EIF2AK4: variants seen among roughly 807,000 people sequenced by gnomAD.
EIF2AK4 encodes the protein eukaryotic translation initiation factor 2 alpha kinase 4, also known as eIF-2-alpha kinase GCN2.
EIF2AK4 carries 139 observed loss-of-function variants against 211.1 expected under a neutral mutation model. The observed-to-expected ratio is 0.66, with a 90% CI of 0.57 to 0.76. The LOEUF is 0.76. EIF2AK4 is among the 30% of genes least tolerant of loss of function. The pLI, the probability that EIF2AK4 is intolerant of heterozygous loss-of-function variation, is 0.00. For synonymous variants in EIF2AK4, 710 were observed against 751.3 expected, an observed-to-expected ratio of 0.94 and a Z score of 0.90; for missense variants, 1,664 against 2,043.8, an observed-to-expected ratio of 0.81 and a Z score of 3.58.
Position 40,029,405 on chromosome 15 carries a change from G to A in EIF2AK4, c.4503-1G>A, listed in dbSNP as rs762522528. 4 of 1,612,500 alleles carry A rather than the reference G, an allele frequency of 2.5e-6. No homozygotes were observed. Among genetic ancestry groups the A allele is most frequent in the Non-Finnish European group, 8.5e-7 (1 of 1,179,742 alleles). On this transcript the variant is annotated splice_acceptor_variant, in intron 33 of 38. Coordinates refer to ENST00000263791, the MANE Select transcript of EIF2AK4 (RefSeq NM_001013703.4). LOFTEE classifies it high-confidence loss of function. Reference sequence around the variant, plus strand: ...AATTGTTTTTGTTTGCTTGTTTTTAGAGAAGCTTCCGATAATCTTGCAGTG... The same window carrying A: ...AATTGTTTTTGTTTGCTTGTTTTTAAAGAAGCTTCCGATAATCTTGCAGTG...
chr15:39,990,238 A>G, intron 15 of EIF2AK4, 35 bp from the exon 16 acceptor site: 2 of 1,600,782 alleles, frequency 1.2e-6, no homozygotes, highest in Non-Finnish European at 1.7e-6. Flanking sequence ...TATGCATGGA[A>G]AACCATTGTT....
At chr15:39,980,551 C>T (rs2034766998) in intron 13 of EIF2AK4, among the ~76,000 whole-genome samples, 1 of 152,204 alleles carries the variant, frequency 6.6e-6, no homozygotes, top group Non-Finnish European at 1.5e-5. Context: ...TAATAGGACT[C>T]CTGGCCTCAC....
Position 40,019,005 on chromosome 15 carries a change from C to T in EIF2AK4, c.4066-88C>T, listed in dbSNP as rs1425558909. On this transcript the variant is annotated intron_variant, in intron 29 of 38. Coordinates refer to ENST00000263791, the MANE Select transcript of EIF2AK4 (RefSeq NM_001013703.4). Reference sequence around the variant, plus strand: ...GAACTCTTTGATGATGAGCTGCTGACAGAGTGCTCACTCTTTAATCATTGT... The same window carrying T: ...GAACTCTTTGATGATGAGCTGCTGATAGAGTGCTCACTCTTTAATCATTGT... 6 of 942,674 alleles carry T rather than the reference C, an allele frequency of 6.4e-6. No individual in the cohort carries two copies. In the South Asian group the frequency reaches 7.6e-5, roughly 12 times the overall value. The allele number at this position is 942,674 out of a possible 1,614,324, so 58.4% of individuals were successfully genotyped here.
chr15:40,034,222 T>C (rs1183294500), intron 37 of EIF2AK4, 104 bp from the exon 38 acceptor site: 17 of 829,192 alleles, frequency 2.1e-5, no homozygotes, highest in Non-Finnish European at 3.4e-5. Flanking sequence ...TCTCCTGGTA[T>C]ACTTGAAGAG....
At chr15:39,952,840 T>A (rs2034338781) in intron 4 of EIF2AK4, among the ~76,000 whole-genome samples, 1 of 152,126 alleles carries the variant, frequency 6.6e-6, no homozygotes, top group South Asian at 2.1e-4. Flanking sequence ...TTCTTTTTTA[T>A]TATTTTTATT....
At chr15:39,979,745 A>C (rs139604548) in intron 13 of EIF2AK4, among the ~76,000 whole-genome samples, 82 of 152,328 alleles carry the variant, frequency 5.4e-4, no homozygotes, top group African/African-American at 1.9e-3. Flanking sequence ...TCAAATGGCC[A>C]TCCCAGATAG....
In EIF2AK4 at chr15:39,976,504, G is replaced by A; in HGVS notation, c.1909G>A (p.Val637Met). ...SRQFRRIKGE[V>M]TLLSRLHHEN... ...GCAGTTCCGCAGGATCAAGGGCGAA[G>A]TGACACTGCTGTCACGGCTGCACCA... is the stretch of plus-strand genomic sequence containing the variant. The change falls in exon 12 of 39, where the codon GTG (valine) becomes ATG (methionine). Residue 637 changes from valine to methionine, a missense_variant. Transcript: ENST00000263791. 6.2e-7 allele frequency: 1 copy of A among 1,612,524 alleles called. No homozygotes were observed. Among genetic ancestry groups the A allele is most frequent in the Non-Finnish European group, 8.5e-7 (1 of 1,179,746 alleles).
chr15:39,960,420 AAGGAGACTCAC>A (rs1229295661), intron 6 of EIF2AK4, among the ~76,000 whole-genome samples: 1 of 152,126 alleles, frequency 6.6e-6, no homozygotes, highest in Non-Finnish European at 1.5e-5. Context: ...GTAGGAGCCC[AAGGAGACTCAC>A]AGGTTTCTCA....
chr15:39,948,050 A>G (rs1051197518), intron 3 of EIF2AK4, among the ~76,000 whole-genome samples: 1 of 152,212 alleles, frequency 6.6e-6, no homozygotes, highest in South Asian at 2.1e-4. Flanking sequence ...ACTGTAGACT[A>G]GTGTTTCTGA....
chr15:40,012,704 C>T (rs746283463), intron 27 of EIF2AK4, among the ~76,000 whole-genome samples: 14 of 151,882 alleles, frequency 9.2e-5, no homozygotes, highest in South Asian at 6.2e-4. Context: ...TACATTCGGA[C>T]GTAATAGCCA....
chr15:39,964,699 A>G (rs2034519402), intron 7 of EIF2AK4, among the ~76,000 whole-genome samples: 2 of 152,216 alleles, frequency 1.3e-5, no homozygotes, highest in African/African-American at 4.8e-5. Flanking sequence ...AGAATTTTCT[A>G]TTATGGTTTT....
At chr15:40,030,281 C>T (rs1485627831) in intron 34 of EIF2AK4, 78 bp from the exon 35 acceptor site, 36 of 1,387,080 alleles carry the variant, frequency 2.6e-5, no homozygotes, top group Middle Eastern at 1.8e-4. Flanking sequence ...TACTAATAAA[C>T]TCTGCCATCT....
At chr15:40,034,303 A>G in intron 37 of EIF2AK4, 23 bp from the exon 38 acceptor site, 3 of 1,596,680 alleles carry the variant, frequency 1.9e-6, no homozygotes, top group Non-Finnish European at 1.7e-6. Flanking sequence ...CCTGTTGTTA[A>G]GTCTTATCTA....
intron 29 of EIF2AK4, among the ~76,000 whole-genome samples, chr15:40,017,558 T>TATGTATG (rs1555422343): frequency 7.8e-6 from 1 of 127,992 alleles, no homozygotes; most frequent in Admixed American, 7.8e-5. Flanking sequence ...TATATATGTA[T>TATGTATG]TTTGGAGACA....
At chr15:40,021,980 C>T in intron 31 of EIF2AK4, 1 of 152,530 alleles carries the variant, frequency 6.6e-6, no homozygotes, top group Non-Finnish European at 1.5e-5. Flanking sequence ...GTGTCCTCTT[C>T]TACTTGTTCA....
chr15:40,026,131 C>A, intron 33 of EIF2AK4, 42 bp downstream of exon 33: 1 of 1,536,130 alleles, frequency 6.5e-7, no homozygotes, highest in Non-Finnish European at 9.0e-7. Context: ...ACTTCAGTTA[C>A]CTATATGGAA....
intron 37 of EIF2AK4, among the ~76,000 whole-genome samples, chr15:40,033,291 C>T (rs1463371801): frequency 6.6e-6 from 1 of 152,200 alleles, no homozygotes; most frequent in East Asian, 1.9e-4. Flanking sequence ...CTATACTATA[C>T]TATCTCTCAA....
At chr15:40,030,205 G>A (rs1342036875) in intron 34 of EIF2AK4, among the ~76,000 whole-genome samples, 154 bp from the exon 35 acceptor site, 1 of 152,154 alleles carries the variant, frequency 6.6e-6, no homozygotes, top group African/African-American at 2.4e-5. Context: ...ATCCGGTGCA[G>A]ATGGTTGTAG....
chr15:39,962,458 T>A (rs758186938), intron 7 of EIF2AK4, among the ~76,000 whole-genome samples: 11 of 152,226 alleles, frequency 7.2e-5, no homozygotes, highest in Non-Finnish European at 1.6e-4. Flanking sequence ...CTAATGCCTA[T>A]GATCTTTTTT....
Sources: allele counts gnomAD v4.1 joint callset (sites outside exome capture counted in the v4.1 genomes callset), GRCh38; gene constraint gnomAD v4.1.1; transcripts MANE v1.5; gene names NCBI Gene and HGNC (gene_info 2026-07-23, HGNC 2026-07-21).